The following EYS variants were observed in gnomAD, a reference collection of about 807,000 sequenced individuals.
EYS encodes the protein EGF-like photoreceptor maintenance factor, also known as protein eyes shut homolog.
In EYS, 250 loss-of-function variants were observed where a neutral mutation model predicts 282.1. That is an observed-to-expected ratio of 0.89 (90% CI 0.80 to 0.98). EYS has a LOEUF of 0.98. EYS is among the 50% of genes least tolerant of loss of function. The probability of loss-of-function intolerance (pLI) is 0.00; values close to 1 mark genes in which losing one functional copy is unlikely to be tolerated. For missense variants in EYS, 4,016 were observed against 3,709.0 expected, an observed-to-expected ratio of 1.08 and a Z score of -2.15; for synonymous variants, 1,355 against 1,282.9, an observed-to-expected ratio of 1.06 and a Z score of -1.20.
In EYS at chr6:64,506,678, C is replaced by T. The variant is rs551226861; in HGVS notation, c.5645-67326G>A. Among the ~76,000 whole-genome samples the T allele has an allele frequency of 2.2e-4, 34 of 152,026 alleles. 1 individual carries two copies. Among genetic ancestry groups the T allele is most frequent in the Admixed American group, 2.1e-3 (32 of 15,260 alleles). ...ATGCAATCCCAGCACGTTGGGAGGC[C>T]GAGGCAGGCGTATCACGAGGTCAGG... On this transcript the variant is annotated intron_variant, in intron 26 of 42. Coordinates refer to ENST00000503581, the MANE Select transcript of EYS (RefSeq NM_001142800.2).
At chr6:64,453,158 A>T (rs1775423335) in intron 26 of EYS, among the ~76,000 whole-genome samples, 4 of 152,056 alleles carry the variant, frequency 2.6e-5, no homozygotes, top group Admixed American at 2.6e-4. Flanking sequence ...ACAAATTTAC[A>T]AGAAAAAAAC....
At chr6:64,326,311 C>T (rs991900179) in intron 29 of EYS, among the ~76,000 whole-genome samples, 1 of 152,046 alleles carries the variant, frequency 6.6e-6, no homozygotes, top group South Asian at 2.1e-4. Context: ...ATTACAGGCC[C>T]AGCGTAATAA....
chr6:65,396,701 T>C (rs1331771621), intron 7 of EYS, among the ~76,000 whole-genome samples: 10 of 152,106 alleles, frequency 6.6e-5, no homozygotes, highest in Admixed American at 6.6e-4. Context: ...GGAGATGCTG[T>C]AGCATATCAG....
chr6:65,196,697 AG>A (rs1765774741), intron 12 of EYS, among the ~76,000 whole-genome samples: 1 of 152,162 alleles, frequency 6.6e-6, no homozygotes, highest in South Asian at 2.1e-4. Flanking sequence ...AAACTAAAGC[AG>A]TAAGAGCACA....
intron 12 of EYS, among the ~76,000 whole-genome samples, chr6:65,276,633 T>C (rs933534267): frequency 3.9e-5 from 6 of 152,002 alleles, no homozygotes; most frequent in Non-Finnish European, 2.9e-5. Context: ...ACAATGCTCT[T>C]TGATGAAGGT....
chr6:65,442,564 TA>T (rs1367092132), intron 5 of EYS, among the ~76,000 whole-genome samples: 1 of 151,592 alleles, frequency 6.6e-6, no homozygotes, highest in African/African-American at 2.4e-5. Context: ...CCATCCTGGC[TA>T]ACATAGTGAA....
intron 31 of EYS, among the ~76,000 whole-genome samples, chr6:64,088,771 C>T (rs1008130020): frequency 3.3e-5 from 5 of 152,018 alleles, no homozygotes; most frequent in African/African-American, 1.2e-4. Context: ...TATCTTTACC[C>T]TGAACACAAC....
intron 39 of EYS, among the ~76,000 whole-genome samples, chr6:63,778,782 T>C (rs1387140201): frequency 2.6e-5 from 4 of 152,154 alleles, no homozygotes; most frequent in Non-Finnish European, 4.4e-5. Context: ...AGATCACAAC[T>C]GGACTCAGGA....
chr6:65,256,086 G>A (rs1167362181), intron 12 of EYS, among the ~76,000 whole-genome samples: 2 of 151,912 alleles, frequency 1.3e-5, no homozygotes, highest in Non-Finnish European at 2.9e-5. Context: ...ACCAAGATTT[G>A]GAAGCAACCT....
Position 64,576,284 on chromosome 6 carries a change from T to C in EYS, c.5644+13939A>G, listed in dbSNP as rs572670164. The stretch of plus-strand genomic sequence containing the variant: ...GGCGATCAGTGCGTTTCCTACTTGT[T>C]CTTTGGAAGTAACTTCCACAATCCA... On this transcript the variant is annotated intron_variant, in intron 26 of 42. Transcript: ENST00000503581. 1.2e-4 allele frequency among the ~76,000 whole-genome samples: 18 copies of C among 152,196 alleles called. No individual in the cohort carries two copies. In the South Asian group the frequency reaches 3.7e-3, roughly 32 times the overall value.
intron 35 of EYS, among the ~76,000 whole-genome samples, chr6:63,916,419 T>G (rs919142062): frequency 1.3e-5 from 2 of 152,258 alleles, no homozygotes; most frequent in Non-Finnish European, 2.9e-5. Context: ...CTAGTGGATG[T>G]GAAATGGTAT....
chr6:65,397,662 G>T (rs1562150796), intron 7 of EYS, among the ~76,000 whole-genome samples: 1 of 148,482 alleles, frequency 6.7e-6, no homozygotes, highest in African/African-American at 2.5e-5. Flanking sequence ...ATCCATTGAT[G>T]GACACTTAGG....
At chr6:64,955,123 T>G (rs910469222) in intron 14 of EYS, among the ~76,000 whole-genome samples, 1 of 152,056 alleles carries the variant, frequency 6.6e-6, no homozygotes, top group Non-Finnish European at 1.5e-5. Context: ...GAGGCAGCAG[T>G]GAGCAGTAAT....
At chr6:65,141,628 A>AGTCTGTCT (rs199567931) in intron 12 of EYS, among the ~76,000 whole-genome samples, 225 of 120,234 alleles carry the variant, frequency 1.9e-3, no homozygotes, top group South Asian at 2.7e-3. Flanking sequence ...TCAGTGAGTC[A>AGTCTGTCT]GTCTGTCTGT....
At chr6:65,249,087 C>T (rs1767253857) in intron 12 of EYS, among the ~76,000 whole-genome samples, 1 of 148,750 alleles carries the variant, frequency 6.7e-6, no homozygotes. Context: ...AAACAAAACT[C>T]AAACCAACAT....
At chr6:64,988,765 A>G (rs1176614751) in intron 14 of EYS, among the ~76,000 whole-genome samples, 3 of 151,660 alleles carry the variant, frequency 2.0e-5, no homozygotes. Flanking sequence ...TAGGTATTTT[A>G]TTTTGTACTT....
rs1373400697 is a variant in EYS at position 64,591,348 on chromosome 6, T to C, written c.4519A>G (p.Ile1507Val). 5.2e-6 allele frequency: 8 copies of C among 1,551,208 alleles called. No individual in the cohort carries two copies. Among genetic ancestry groups the C allele is most frequent in the Non-Finnish European group, 7.0e-6 (8 of 1,146,772 alleles). ...AKVIISKQVT[I>V]LNSSALHRFS... ...CGGTGCAGAGCTGATGAGTTTAAGATGGTTACCTGTTTAGATATAATTACC... is the reference window on the plus strand; with the variant it reads ...CGGTGCAGAGCTGATGAGTTTAAGACGGTTACCTGTTTAGATATAATTACC... Residue 1507 changes from isoleucine to valine, a missense_variant, in exon 26 of 43, where the codon ATC (isoleucine) becomes GTC (valine). Ile to Val is a conservative substitution (Grantham distance 29, BLOSUM62 3). Coordinates refer to ENST00000503581, the MANE Select transcript of EYS (RefSeq NM_001142800.2).
intron 2 of EYS, among the ~76,000 whole-genome samples, chr6:65,602,376 A>T (rs970594969): frequency 1.3e-5 from 2 of 152,012 alleles, no homozygotes; most frequent in African/African-American, 2.4e-5. Context: ...TGTTTTGCTC[A>T]TGAAATTTAA....
Position 64,462,953 on chromosome 6 carries a change from T to TG in EYS, c.5645-23602_5645-23601insC, listed in dbSNP as rs1265597221. The stretch of plus-strand genomic sequence containing the variant: ...TATTCTCAGCTTTAATTTTTTTTTT[T>TG]TTTTTTTTTTGAGATGAAGTCTCGC... On this transcript the variant is annotated intron_variant, in intron 26 of 42. Transcript: ENST00000503581. Among the ~76,000 whole-genome samples the TG allele has an allele frequency of 4.7e-4, 69 of 147,630 alleles. 1 individual carries two copies. Among genetic ancestry groups the TG allele is most frequent in the Non-Finnish European group, 5.2e-4 (35 of 66,846 alleles).
Sources: gnomAD v4.1 joint callset for allele counts (sites outside exome capture counted in the v4.1 genomes callset) on GRCh38, gnomAD v4.1.1 for gene constraint, MANE v1.5 for transcripts, NCBI Gene and HGNC (gene_info 2026-07-23, HGNC 2026-07-21) for gene names.